CTDSPL: variants seen among roughly 807,000 people sequenced by gnomAD.
CTDSPL encodes CTD small phosphatase like.
Under a neutral mutation model 30.5 loss-of-function variants are expected in CTDSPL, and 8 were observed. The ratio of observed to expected loss-of-function variants is 0.26; its 90% CI spans 0.15 to 0.47. The LOEUF is 0.47. CTDSPL is among the 20% of genes least tolerant of loss of function. CTDSPL has a pLI of 0.99. For missense variants in CTDSPL, 248 were observed against 366.1 expected (o/e 0.68, Z 2.63); for synonymous variants, 110 against 137.9 (o/e 0.80, Z 1.42).
chr3:37,984,142 T>C lies in CTDSPL; in HGVS notation c.*3275T>C, dbSNP rs2125638987. Reference sequence around the variant, plus strand: ...TTGGCATGCCAGGGTTCGAGAAGAGTGAATGGCTTGACGTACTTGCAGTTA... The same window carrying C: ...TTGGCATGCCAGGGTTCGAGAAGAGCGAATGGCTTGACGTACTTGCAGTTA... On this transcript the variant is annotated 3_prime_UTR_variant, in exon 8 of 8. Transcript: ENST00000273179. The C allele has an allele frequency of 4.4e-6, 2 of 450,748 alleles. No homozygotes were observed. Among genetic ancestry groups the C allele is most frequent in the East Asian group, 7.0e-5 (1 of 14,236 alleles). 27.9% of individuals were successfully genotyped at this position (450,748 alleles called of 1,614,324 possible).
At chr3:37,892,412 T>C (rs1403427134) in intron 1 of CTDSPL, among the ~76,000 whole-genome samples, 2 of 152,194 alleles carry the variant, frequency 1.3e-5, no homozygotes, top group Non-Finnish European at 2.9e-5. Flanking sequence ...TGTAAACAAA[T>C]ACCAACTGTT....
At chr3:37,890,084 G>A (rs767415272) in intron 1 of CTDSPL, among the ~76,000 whole-genome samples, 58 of 152,206 alleles carry the variant, frequency 3.8e-4, no homozygotes, top group Non-Finnish European at 1.3e-4. Flanking sequence ...AAACAGCCAT[G>A]AGAAGCCCAG....
intron 1 of CTDSPL, among the ~76,000 whole-genome samples, chr3:37,907,175 CA>C (rs1271177181): frequency 6.6e-6 from 1 of 152,166 alleles, no homozygotes; most frequent in African/African-American, 2.4e-5. Context: ...TACCAAATTA[CA>C]AAATCATGCC....
chr3:37,872,930 G>A, intron 1 of CTDSPL, among the ~76,000 whole-genome samples: 1 of 152,152 alleles, frequency 6.6e-6, no homozygotes, highest in East Asian at 1.9e-4. Context: ...CTTCTGTGTG[G>A]TCTCTACTGT....
At chr3:37,955,266 A>G (rs955957987) in intron 2 of CTDSPL, 2 of 152,186 alleles carry the variant, frequency 1.3e-5, no homozygotes, top group Non-Finnish European at 2.9e-5. Context: ...GAGAAACCCT[A>G]CTCTGAAGTG....
At position 37,925,041 on chromosome 3, in the gene CTDSPL, A is replaced by G. The variant is rs1023750920; in HGVS notation, c.80-22016A>G. Among the ~76,000 whole-genome samples, 3 of 152,142 alleles carry G rather than the reference A, an allele frequency of 2.0e-5. No individual in the cohort carries two copies. The East Asian group carries it at 5.8e-4, about 29-fold the overall frequency. ...ACCTAGTGATACATCCTCTGCCACC[A>G]GCCAAACTGTCCTCCTTATTGCCTC... is the stretch of plus-strand genomic sequence containing the variant. On this transcript the variant is annotated intron_variant, in intron 1 of 7. Coordinates refer to ENST00000273179, the MANE Select transcript of CTDSPL (RefSeq NM_001008392.2).
intron 3 of CTDSPL, 128 bp from the exon 4 acceptor site, chr3:37,964,443 C>A (rs1699277551): frequency 1.7e-6 from 1 of 584,036 alleles, no homozygotes; most frequent in Non-Finnish European, 3.0e-6. Context: ...ACTACTTATT[C>A]CTATTGTTCT....
intron 1 of CTDSPL, among the ~76,000 whole-genome samples, chr3:37,888,411 G>A (rs1030813472): frequency 7.2e-5 from 11 of 152,108 alleles, no homozygotes; most frequent in East Asian, 1.9e-4. Context: ...CCTGTATCAC[G>A]TTGCCAAGTT....
intron 1 of CTDSPL, among the ~76,000 whole-genome samples, chr3:37,910,119 G>C (rs1047525735): frequency 3.3e-5 from 5 of 152,176 alleles, no homozygotes; most frequent in Non-Finnish European, 7.3e-5. Flanking sequence ...GATTCAGTGA[G>C]GTAATGTGAG....
intron 1 of CTDSPL, among the ~76,000 whole-genome samples, chr3:37,902,176 C>G (rs1312354603): frequency 1.3e-5 from 2 of 152,234 alleles, no homozygotes; most frequent in East Asian, 3.8e-4. Context: ...GGCACATTGC[C>G]ATCCCTAAGG....
At position 37,951,374 on chromosome 3, in the gene CTDSPL, A is replaced by G. The variant is rs555326974; in HGVS notation, c.234+4163A>G. ...AAGAGCAAGACTCAGTCTCAAAAAA[A>G]AAGAAAAATGTTAGAAATAGGCTGG... On this transcript the variant is annotated intron_variant, in intron 2 of 7. Coordinates refer to ENST00000273179, the MANE Select transcript of CTDSPL (RefSeq NM_001008392.2). Among the ~76,000 whole-genome samples the G allele has an allele frequency of 1.4e-4, 21 of 145,058 alleles. No individual in the cohort carries two copies. The East Asian group carries it at 3.4e-3, about 23-fold the overall frequency.
chr3:37,915,837 A>G (rs1332719968), intron 1 of CTDSPL, among the ~76,000 whole-genome samples: 1 of 152,116 alleles, frequency 6.6e-6, no homozygotes, highest in Non-Finnish European at 1.5e-5. Flanking sequence ...GTTATTTTTT[A>G]TTAAGTGTCA....
chr3:37,920,902 A>G (rs1184285837), intron 1 of CTDSPL, among the ~76,000 whole-genome samples: 1 of 152,034 alleles, frequency 6.6e-6, no homozygotes, highest in East Asian at 1.9e-4. Flanking sequence ...CTCTCAAACC[A>G]CCTGTGAGAC....
intron 1 of CTDSPL, among the ~76,000 whole-genome samples, chr3:37,914,873 C>CTTTTTTGTT (rs1698626747): frequency 1.9e-5 from 1 of 51,284 alleles, no homozygotes. Flanking sequence ...TATATATGTT[C>CTTTTTTGTT]TTTTTTTTTT....
At chr3:37,964,501 G>A in intron 3 of CTDSPL, 70 bp from the exon 4 acceptor site, 1 of 987,490 alleles carries the variant, frequency 1.0e-6, no homozygotes, top group Non-Finnish European at 1.6e-6. Context: ...ATGTTTGAAA[G>A]TAGTATAATG....
Position 37,981,639 on chromosome 3 carries a change from A to T in CTDSPL, c.*772A>T, listed in dbSNP as rs1477176285. The T allele has an allele frequency of 3.1e-6, 1 of 321,606 alleles. No homozygotes were observed. The highest frequency in any genetic ancestry group is 6.2e-6 in the Non-Finnish European group (1 of 161,390). The allele number at this position is 321,606 out of a possible 1,614,324, so 19.9% of individuals were successfully genotyped here. On this transcript the variant is annotated 3_prime_UTR_variant, in exon 8 of 8. Transcript: ENST00000273179. ...TTATATTATTATTTCTGATGGTGAC[A>T]AGTTTGTCTTGAGGTCACATTTTCT...
At chr3:37,914,873 CTTT>C (rs11304152) in intron 1 of CTDSPL, among the ~76,000 whole-genome samples, 3 of 51,280 alleles carry the variant, frequency 5.9e-5, no homozygotes, top group Non-Finnish European at 7.1e-5. Context: ...TATATATGTT[CTTT>C]TTTTTTTTTT....
chr3:37,948,177 G>A (rs1442813874), intron 2 of CTDSPL, among the ~76,000 whole-genome samples: 3 of 152,116 alleles, frequency 2.0e-5, no homozygotes, highest in African/African-American at 7.2e-5. Context: ...CCAGCTACTC[G>A]GGAGGCTGAG....
intron 6 of CTDSPL, among the ~76,000 whole-genome samples, chr3:37,973,815 C>T (rs1482711750): frequency 1.3e-5 from 2 of 152,258 alleles, no homozygotes; most frequent in Admixed American, 6.5e-5. Context: ...AAGTCCCTCC[C>T]CTTGTGAAGC....
Sources: allele counts gnomAD v4.1 joint callset (sites outside exome capture counted in the v4.1 genomes callset), GRCh38; gene constraint gnomAD v4.1.1; transcripts MANE v1.5; gene names NCBI Gene and HGNC (gene_info 2026-07-23, HGNC 2026-07-21).